Variants in KCNJ3 observed in about 807,000 individuals in gnomAD.
KCNJ3 encodes the protein potassium inwardly rectifying channel subfamily J member 3.
Under a neutral mutation model 39.2 loss-of-function variants are expected in KCNJ3, and 4 were observed. The observed-to-expected ratio is 0.10, with a 90% confidence interval of 0.05 to 0.23. KCNJ3 has a LOEUF of 0.23. Ranked by LOEUF, KCNJ3 falls within the 10% of genes least tolerant of loss-of-function variation. KCNJ3 has a pLI of 1.00. For synonymous variants in KCNJ3, 230 were observed against 237.4 expected (o/e 0.97, Z 0.29); for missense variants, 276 against 634.9 (o/e 0.43, Z 6.08).
chr2:154,719,340 A>G (rs1201328596), intron 2 of KCNJ3, among the ~76,000 whole-genome samples: 1 of 152,168 alleles, frequency 6.6e-6, no homozygotes, highest in Non-Finnish European at 1.5e-5. Context: ...CTGGAAGAGA[A>G]CATAGCCCTT....
At chr2:154,746,686 C>G (rs1443674084) in intron 2 of KCNJ3, among the ~76,000 whole-genome samples, 1 of 147,332 alleles carries the variant, frequency 6.8e-6, no homozygotes, top group East Asian at 2.0e-4. Flanking sequence ...TCAAATATTT[C>G]AAGATATTTC....
In KCNJ3 at chr2:154,725,273, T is replaced by C. The variant is rs528511190; in HGVS notation, c.919+15454T>C. ...TCCAAACTTCTCTTCTATAGACACG[T>C]CCTCTACTACTTTCTATTTTTTATA... is the stretch of plus-strand genomic sequence containing the variant. On this transcript the variant is annotated intron_variant, in intron 2 of 2. Transcript: ENST00000295101. Among the ~76,000 whole-genome samples the C allele has an allele frequency of 3.3e-5, 5 of 151,534 alleles. No homozygotes were observed. In the South Asian group the frequency reaches 8.3e-4, roughly 25 times the overall value.
chr2:154,751,658 A>G (rs1685846940), intron 2 of KCNJ3, among the ~76,000 whole-genome samples: 1 of 152,216 alleles, frequency 6.6e-6, no homozygotes, highest in South Asian at 2.1e-4. Flanking sequence ...TATTTCTATT[A>G]TAGTAGTTTG....
chr2:154,806,079 A>G (rs181423614), intron 2 of KCNJ3, among the ~76,000 whole-genome samples: 32 of 152,318 alleles, frequency 2.1e-4, no homozygotes, highest in Admixed American at 1.4e-3. Context: ...ATGCTTAAAT[A>G]GAGTACAATT....
At chr2:154,775,741 C>T (rs1260188278) in intron 2 of KCNJ3, among the ~76,000 whole-genome samples, 1 of 152,014 alleles carries the variant, frequency 6.6e-6, no homozygotes, top group Non-Finnish European at 1.5e-5. Context: ...TATAGAAGTT[C>T]TCCACTAAAG....
At chr2:154,758,620 A>G (rs1401827640) in intron 2 of KCNJ3, among the ~76,000 whole-genome samples, 1 of 152,206 alleles carries the variant, frequency 6.6e-6, no homozygotes, top group East Asian at 1.9e-4. Flanking sequence ...AGTATTTTCA[A>G]TCCCTAGTTG....
At chr2:154,854,581 CA>C (rs1284023261) in intron 2 of KCNJ3, 145 bp from the exon 3 acceptor site, 2 of 569,432 alleles carry the variant, frequency 3.5e-6, no homozygotes, top group Non-Finnish European at 6.2e-6. Flanking sequence ...ACTTAGAGTA[CA>C]ACTTTTAATC....
chr2:154,709,529 A>T, intron 1 of KCNJ3, 74 bp from the exon 2 acceptor site: 1 of 1,442,012 alleles, frequency 6.9e-7, no homozygotes, highest in Non-Finnish European at 9.5e-7. Flanking sequence ...GCAATGATGT[A>T]AATTACTGTT....
rs927179099 is a variant in KCNJ3, at chr2:154,756,537, C to T, written c.919+46718C>T. Among the ~76,000 whole-genome samples the T allele has an allele frequency of 3.3e-5, 5 of 151,006 alleles. No individual in the cohort carries two copies. In the East Asian group the frequency reaches 9.8e-4, roughly 30 times the overall value. On this transcript the variant is annotated intron_variant, in intron 2 of 2. Transcript: ENST00000295101. ...CCTCCCCTAGACCCCCACCCCCTGA[C>T]AGGCCCTGATGTGTGATGTTCCCCT...
chr2:154,764,733 T>A (rs1176091907), intron 2 of KCNJ3, among the ~76,000 whole-genome samples: 1 of 152,110 alleles, frequency 6.6e-6, no homozygotes, highest in Non-Finnish European at 1.5e-5. Flanking sequence ...ATAAATCTCA[T>A]AATGTTTTAA....
At position 154,855,623 on chromosome 2, in the gene KCNJ3, A is replaced by AT. The variant is rs5835552; in HGVS notation, c.*310_*311insT. 36,034 of 166,336 alleles carry AT rather than the reference A, an allele frequency of 0.22. 4,155 individuals carry two copies. Among genetic ancestry groups the AT allele is most frequent in the East Asian group, 0.34 (2,002 of 5,878 alleles). 10.3% of individuals were successfully genotyped at this position (166,336 alleles called of 1,614,324 possible). A position where few individuals can be genotyped will look rare whatever the true frequency, so the allele number is the denominator to read the frequency against. On this transcript the variant is annotated 3_prime_UTR_variant, in exon 3 of 3. Coordinates refer to ENST00000295101, the MANE Select transcript of KCNJ3 (RefSeq NM_002239.4). ...TTTATATTGTATATTCTGGAAAAAAAATATATATATATATTTAAAGGGGAG... is the reference window on the plus strand; with the variant it reads ...TTTATATTGTATATTCTGGAAAAAAATATATATATATATATTTAAAGGGGAG...
chr2:154,770,250 T>G (rs1472497880), intron 2 of KCNJ3, among the ~76,000 whole-genome samples: 1 of 152,196 alleles, frequency 6.6e-6, no homozygotes, highest in African/African-American at 2.4e-5. Flanking sequence ...TGAACAATCT[T>G]CTTTGAAATC....
intron 2 of KCNJ3, among the ~76,000 whole-genome samples, chr2:154,807,250 C>G (rs1311009019): frequency 1.3e-5 from 2 of 152,136 alleles, no homozygotes; most frequent in East Asian, 3.9e-4. Context: ...TTGAAGGGCT[C>G]TTATTACCAT....
chr2:154,794,234 T>C (rs770230909), intron 2 of KCNJ3, among the ~76,000 whole-genome samples: 2 of 152,066 alleles, frequency 1.3e-5, no homozygotes, highest in Non-Finnish European at 2.9e-5. Flanking sequence ...TATTTTCTTG[T>C]CATTTCTCTT....
intron 2 of KCNJ3, among the ~76,000 whole-genome samples, chr2:154,735,355 C>A (rs1027998300): frequency 6.6e-6 from 1 of 151,350 alleles, no homozygotes; most frequent in South Asian, 2.1e-4. Context: ...ACCTCGTGAT[C>A]CGTCCGCCTC....
intron 2 of KCNJ3, among the ~76,000 whole-genome samples, chr2:154,757,801 G>A (rs1486445539): frequency 6.6e-6 from 1 of 152,102 alleles, no homozygotes; most frequent in African/African-American, 2.4e-5. Context: ...TTGTTGCTGT[G>A]TCCTCACATG....
At chr2:154,774,206 A>G (rs986601967) in intron 2 of KCNJ3, among the ~76,000 whole-genome samples, 1 of 152,170 alleles carries the variant, frequency 6.6e-6, no homozygotes, top group Non-Finnish European at 1.5e-5. Flanking sequence ...AAATGAAACA[A>G]CTCACTGGTC....
intron 2 of KCNJ3, among the ~76,000 whole-genome samples, chr2:154,761,906 A>G (rs1299533842): frequency 6.6e-6 from 1 of 152,198 alleles, no homozygotes; most frequent in Non-Finnish European, 1.5e-5. Context: ...GACTTTGCAG[A>G]TGTGGTTATG....
intron 2 of KCNJ3, among the ~76,000 whole-genome samples, chr2:154,731,644 G>A (rs982031921): frequency 3.3e-5 from 5 of 151,598 alleles, no homozygotes; most frequent in African/African-American, 9.7e-5. Flanking sequence ...ATGTATTGCT[G>A]TCTTATATAT....
Sources: gnomAD v4.1 joint callset for allele counts (sites outside exome capture counted in the v4.1 genomes callset) on GRCh38, gnomAD v4.1.1 for gene constraint, MANE v1.5 for transcripts, NCBI Gene and HGNC (gene_info 2026-07-23, HGNC 2026-07-21) for gene names.